Variants in PCDHGA7 observed in about 807,000 individuals in gnomAD.
PCDHGA7 encodes protocadherin gamma subfamily A, 7.
Under a neutral mutation model 58.3 loss-of-function variants are expected in PCDHGA7, and 44 were observed. The ratio of observed to expected loss-of-function variants is 0.75; its 90% CI spans 0.59 to 0.97. The LOEUF is 0.97. PCDHGA7 is among the 50% of genes least tolerant of loss of function. The pLI is 0.00. For synonymous variants in PCDHGA7, 516 were observed against 504.2 expected (o/e 1.02, Z -0.31); for missense variants, 1,266 against 1,188.7 (o/e 1.06, Z -0.96).
At position 141,433,251 on chromosome 5, in the gene PCDHGA7, C is replaced by T. The variant is rs1022165468; in HGVS notation, c.2424+47928C>T. The T allele has an allele frequency of 1.1e-5, 16 of 1,423,126 alleles. No homozygotes were observed. In the East Asian group the frequency reaches 3.7e-4, roughly 33 times the overall value. 88.2% of individuals were successfully genotyped at this position (1,423,126 alleles called of 1,614,324 possible). A position where few individuals can be genotyped will look rare whatever the true frequency, so the allele number is the denominator to read the frequency against. ...CTCTGTCTCCCAAGCTGGAATGCAGCGGTACGATCATAGCTCACTGCAGCC... is the reference window on the plus strand; with the variant it reads ...CTCTGTCTCCCAAGCTGGAATGCAGTGGTACGATCATAGCTCACTGCAGCC... On this transcript the variant is annotated intron_variant, in intron 1 of 3. Transcript: ENST00000518325.
chr5:141,484,374 T>C (rs1261372490), intron 1 of PCDHGA7, among the ~76,000 whole-genome samples: 1 of 152,186 alleles, frequency 6.6e-6, no homozygotes, highest in Non-Finnish European at 1.5e-5. Context: ...CACTAGCAAA[T>C]GTCTGAATAA....
chr5:141,414,227 T>C (rs771676386), intron 1 of PCDHGA7: 2 of 1,613,430 alleles, frequency 1.2e-6, no homozygotes, highest in Non-Finnish European at 1.7e-6. Flanking sequence ...AGTCCAGAGC[T>C]GACCATCACG....
intron 1 of PCDHGA7, chr5:141,422,542 G>T (rs368252552): frequency 1.2e-5 from 19 of 1,613,878 alleles, no homozygotes; most frequent in Admixed American, 1.7e-5. Context: ...AGAAACTCAT[G>T]TCTGGCTGAA....
rs35224477 is a variant in PCDHGA7, at chr5:141,464,263, TA to T, written c.2425-30530del. On this transcript the variant is annotated intron_variant, in intron 1 of 3. Coordinates refer to ENST00000518325, the MANE Select transcript of PCDHGA7 (RefSeq NM_018920.4). ...CTGGGCTACAGAGCGAGACTCCGTC[TA>T]AAAAAAAAAAAAAGCAAAAAAAAAA... Among the ~76,000 whole-genome samples, 390 of 103,506 alleles carry T rather than the reference TA, an allele frequency of 3.8e-3. 1 individual carries two copies. Among genetic ancestry groups the T allele is most frequent in the Admixed American group, 4.7e-3 (45 of 9,486 alleles). 67.9% of individuals were successfully genotyped at this position (103,506 alleles called of 152,430 possible). A position where few individuals can be genotyped will look rare whatever the true frequency, so the allele number is the denominator to read the frequency against.
chr5:141,486,030 C>A lies in PCDHGA7; in HGVS notation c.2425-8777C>A. The A allele has an allele frequency of 6.2e-7, 1 of 1,614,164 alleles. No homozygotes were observed. The highest frequency in any genetic ancestry group is 8.5e-7 in the Non-Finnish European group (1 of 1,180,012). ...ACCTTTTATTTCAGTGGTCATACCC[C>A]TGATCGTGTAAGAAACCTCTTTAGC... On this transcript the variant is annotated intron_variant, in intron 1 of 3. Coordinates refer to ENST00000518325, the MANE Select transcript of PCDHGA7 (RefSeq NM_018920.4). The surrounding 1 kb of genome is among the most constrained non-coding windows in gnomAD (Gnocchi z 5.0).
chr5:141,450,815 ATAT>A (rs1420984335), intron 1 of PCDHGA7, among the ~76,000 whole-genome samples: 6 of 126,742 alleles, frequency 4.7e-5, no homozygotes, highest in South Asian at 2.4e-4. Flanking sequence ...TATTTATTTA[ATAT>A]TATTATTATT....
At chr5:141,415,712 T>G (rs2095901969) in intron 1 of PCDHGA7, 3 of 1,326,794 alleles carry the variant, frequency 2.3e-6, no homozygotes, top group Non-Finnish European at 3.1e-6. Context: ...GCTAAAACAC[T>G]GATGAGTAGA....
intron 1 of PCDHGA7, among the ~76,000 whole-genome samples, chr5:141,450,888 G>A (rs1038570371): frequency 6.9e-5 from 10 of 145,278 alleles, no homozygotes; most frequent in Admixed American, 4.1e-4. Context: ...GCAGTGGTGC[G>A]ATATCGGCTC....
At position 141,485,800 on chromosome 5, in the gene PCDHGA7, C is replaced by T. The variant is rs1231777430; in HGVS notation, c.2425-9007C>T. On this transcript the variant is annotated intron_variant, in intron 1 of 3. Coordinates refer to ENST00000518325, the MANE Select transcript of PCDHGA7 (RefSeq NM_018920.4). This position sits in a 1 kb window ranked among gnomAD's most constrained non-coding sequence, Gnocchi z 5.7. The stretch of plus-strand genomic sequence containing the variant: ...ATCGAGAGAAGCAATCGGACTACCG[C>T]CTGGTGCTGACTGCTGTCGATGGAG... 1 of 1,614,228 alleles carries T rather than the reference C, an allele frequency of 6.2e-7. No homozygotes were observed. Among genetic ancestry groups the T allele is most frequent in the East Asian group, 2.2e-5 (1 of 44,878 alleles).
chr5:141,474,153 A>G (rs1424442765), intron 1 of PCDHGA7, among the ~76,000 whole-genome samples: 3 of 152,254 alleles, frequency 2.0e-5, no homozygotes, highest in Non-Finnish European at 4.4e-5. Flanking sequence ...TATCAAGAAA[A>G]TGACAGGCCT....
At position 141,449,665 on chromosome 5, in the gene PCDHGA7, G is replaced by T. The variant is rs144213743; in HGVS notation, c.2425-45142G>T. 9.3e-5 allele frequency among the ~76,000 whole-genome samples: 14 copies of T among 150,156 alleles called. No individual in the cohort carries two copies. In the East Asian group the frequency reaches 2.7e-3, roughly 29 times the overall value. Reference sequence around the variant, plus strand: ...TATACATATTTACATACACACCCAAGTGTGTATGTATATATGTTTGTGTGT... The same window carrying T: ...TATACATATTTACATACACACCCAATTGTGTATGTATATATGTTTGTGTGT... On this transcript the variant is annotated intron_variant, in intron 1 of 3. Coordinates refer to ENST00000518325, the MANE Select transcript of PCDHGA7 (RefSeq NM_018920.4).
At position 141,485,880 on chromosome 5, in the gene PCDHGA7, A is replaced by G; in HGVS notation, c.2425-8927A>G. 1 of 1,614,124 alleles carries G rather than the reference A, an allele frequency of 6.2e-7. No individual in the cohort carries two copies. Among genetic ancestry groups the G allele is most frequent in the Non-Finnish European group, 8.5e-7 (1 of 1,180,026 alleles). On this transcript the variant is annotated intron_variant, in intron 1 of 3. Transcript: ENST00000518325. The surrounding 1 kb of genome is among the most constrained non-coding windows in gnomAD (Gnocchi z 5.7). ...CTCCGGGTATCCGTGCTGGACGTAA[A>G]CGACAACGCCCCAGCCTTCCAGCAA... is the stretch of plus-strand genomic sequence containing the variant.
In PCDHGA7 at chr5:141,505,090, A is replaced by C. The variant is rs1018571873; in HGVS notation, c.2484-303A>C. Among the ~76,000 whole-genome samples the C allele has an allele frequency of 3.9e-5, 6 of 152,188 alleles. 1 individual carries two copies. The South Asian group carries it at 1.2e-3, about 31-fold the overall frequency. ...GGCAGGAGAATCGCTTGAACCCAGG[A>C]GGTGGATGTTGCAATGAGCCAAGAT... On this transcript the variant is annotated intron_variant, in intron 2 of 3. Transcript: ENST00000518325.
chr5:141,418,397 T>C (rs764404369), intron 1 of PCDHGA7: 9 of 1,613,838 alleles, frequency 5.6e-6, no homozygotes, highest in South Asian at 3.3e-5. Context: ...GTATTTCTCA[T>C]TGGTGGAGAA....
At position 141,490,207 on chromosome 5, in the gene PCDHGA7, C is replaced by T. The variant is rs142098675; in HGVS notation, c.2425-4600C>T. On this transcript the variant is annotated intron_variant, in intron 1 of 3. Transcript: ENST00000518325. This position sits in a 1 kb window ranked among gnomAD's most constrained non-coding sequence, Gnocchi z 5.4. ...TTTCTATGAAATTCATGCAAGAGCC[C>T]GTGACCAGGGACAGCCTGCCATGGA... 41 of 1,614,056 alleles carry T rather than the reference C, an allele frequency of 2.5e-5. No homozygotes were observed. The highest frequency in any genetic ancestry group is 3.3e-4 in the Middle Eastern group (2 of 6,084).
rs534304763 is a variant in PCDHGA7 at position 141,394,533 on chromosome 5, G to T, written c.2424+9210G>T. 2 of 1,614,092 alleles carry T rather than the reference G, an allele frequency of 1.2e-6. No individual in the cohort carries two copies. The highest frequency in any genetic ancestry group is 3.3e-5 in the Admixed American group (2 of 60,014). On this transcript the variant is annotated intron_variant, in intron 1 of 3. Transcript: ENST00000518325. Reference sequence around the variant, plus strand: ...CGCCCTCCCCACAGACGGTTCCACTGGCGTGGAGCTGGCGCCCCGCTCCGC... The same window carrying T: ...CGCCCTCCCCACAGACGGTTCCACTTGCGTGGAGCTGGCGCCCCGCTCCGC...
At chr5:141,398,249 T>C (rs1462140853) in intron 1 of PCDHGA7, 2 of 1,470,902 alleles carry the variant, frequency 1.4e-6, no homozygotes, top group Non-Finnish European at 1.8e-6. Context: ...CCCGAGGAAA[T>C]GCCCAAGGGC....
chr5:141,389,957 G>A (rs2091985321), intron 1 of PCDHGA7: 2 of 1,614,080 alleles, frequency 1.2e-6, no homozygotes, highest in Non-Finnish European at 1.7e-6. Flanking sequence ...TTTACCTAGT[G>A]GTGGCCTTGG....
At chr5:141,463,103 A>G (rs1235750988) in intron 1 of PCDHGA7, among the ~76,000 whole-genome samples, 1 of 152,206 alleles carries the variant, frequency 6.6e-6, no homozygotes, top group African/African-American at 2.4e-5. Context: ...GTGACCATCA[A>G]GAATTCAGCT....
Sources: allele counts gnomAD v4.1 joint callset (sites outside exome capture counted in the v4.1 genomes callset), GRCh38; gene constraint gnomAD v4.1.1; non-coding constraint Gnocchi (gnomAD v3.1); transcripts MANE v1.5; gene names NCBI Gene and HGNC (gene_info 2026-07-23, HGNC 2026-07-21).